KCNMA1: variants seen among roughly 807,000 people sequenced by gnomAD.
KCNMA1 encodes the protein potassium calcium-activated channel subfamily M alpha 1.
KCNMA1 carries 29 observed loss-of-function variants against 140.0 expected under a neutral mutation model. The observed-to-expected ratio is 0.21, with a 90% CI of 0.15 to 0.28. The LOEUF is 0.28. Ranked by LOEUF, KCNMA1 falls within the 10% of genes least tolerant of loss-of-function variation. The pLI is 1.00. For synonymous variants in KCNMA1, 612 were observed against 611.9 expected (o/e 1.00, Z 0.00); for missense variants, 880 against 1,602.2 (o/e 0.55, Z 7.70).
intron 14 of KCNMA1, among the ~76,000 whole-genome samples, chr10:77,056,615 A>G (rs1033276214): frequency 2.0e-5 from 3 of 152,168 alleles, no homozygotes; most frequent in Non-Finnish European, 4.4e-5. Context: ...CCTAGATGAC[A>G]CAGATGTTGG....
intron 1 of KCNMA1, among the ~76,000 whole-genome samples, chr10:77,495,339 C>T (rs1428177070): frequency 1.3e-5 from 2 of 152,198 alleles, no homozygotes; most frequent in East Asian, 1.9e-4. Context: ...GCTGCCCTGA[C>T]TTGGCCTGTC....
chr10:76,897,025 C>CACAG lies in KCNMA1; in HGVS notation c.3148-5307_3148-5306insCTGT, dbSNP rs569711196. The stretch of plus-strand genomic sequence containing the variant: ...GAGGTGAAAATTACACACACACACA[C>CACAG]ACACACACACACACACACACACAAT... On this transcript the variant is annotated intron_variant, in intron 25 of 27. Transcript: ENST00000286628. Among the ~76,000 whole-genome samples the CACAG allele has an allele frequency of 5.3e-4, 80 of 151,530 alleles. No individual in the cohort carries two copies. The South Asian group carries it at 0.016, about 30-fold the overall frequency.
At chr10:77,508,661 G>T (rs986044400) in intron 1 of KCNMA1, among the ~76,000 whole-genome samples, 4 of 129,170 alleles carry the variant, frequency 3.1e-5, no homozygotes, top group African/African-American at 1.2e-4. Flanking sequence ...ATCTCACTAC[G>T]TTGCCTAGGC....
At chr10:77,204,223 G>C (rs182283859) in intron 3 of KCNMA1, among the ~76,000 whole-genome samples, 2 of 152,110 alleles carry the variant, frequency 1.3e-5, no homozygotes, top group African/African-American at 4.8e-5. Context: ...TGCTCTTCCC[G>C]TGTTTCAGGG....
At chr10:77,529,245 T>C (rs816826) in intron 1 of KCNMA1, among the ~76,000 whole-genome samples, 65,637 of 150,794 alleles carry the variant, frequency 0.44, 16,508 homozygotes, top group African/African-American at 0.68. Flanking sequence ...TTTTTCCCCC[T>C]GCACCACTCT....
At chr10:77,312,194 A>T (rs1167386532) in intron 2 of KCNMA1, among the ~76,000 whole-genome samples, 1 of 152,258 alleles carries the variant, frequency 6.6e-6, no homozygotes, top group African/African-American at 2.4e-5. Flanking sequence ...GAAACCATGC[A>T]CAGCAGCCAG....
At chr10:77,403,801 G>T in intron 2 of KCNMA1, 61 bp downstream of exon 2, 1 of 1,540,260 alleles carries the variant, frequency 6.5e-7, no homozygotes, top group Non-Finnish European at 8.8e-7. Flanking sequence ...CGTCTCATAA[G>T]CAAAGCCACC....
intron 25 of KCNMA1, among the ~76,000 whole-genome samples, chr10:76,909,169 A>T (rs1407771943): frequency 6.6e-6 from 1 of 152,060 alleles, no homozygotes; most frequent in African/African-American, 2.4e-5. Flanking sequence ...CCTGGCAGTC[A>T]TCTTTGACCC....
intron 2 of KCNMA1, among the ~76,000 whole-genome samples, chr10:77,309,313 A>G (rs902620097): frequency 6.6e-6 from 1 of 152,244 alleles, no homozygotes; most frequent in African/African-American, 2.4e-5. Flanking sequence ...AGATGTCTCT[A>G]TATACCAGGT....
At chr10:77,062,637 G>C (rs2095798262) in intron 14 of KCNMA1, among the ~76,000 whole-genome samples, 1 of 152,156 alleles carries the variant, frequency 6.6e-6, no homozygotes, top group Admixed American at 6.5e-5. Flanking sequence ...ACTTGCCTGG[G>C]TCTTTTCCAG....
chr10:77,083,501 T>TTAA (rs767511483), intron 12 of KCNMA1, among the ~76,000 whole-genome samples: 26 of 91,392 alleles, frequency 2.8e-4, no homozygotes, highest in East Asian at 2.6e-3. Context: ...AGATGTTCTG[T>TTAA]AAAAAAAAAA....
intron 1 of KCNMA1, among the ~76,000 whole-genome samples, chr10:77,509,607 G>T (rs1373042758): frequency 2.6e-5 from 4 of 152,042 alleles, no homozygotes; most frequent in Non-Finnish European, 5.9e-5. Context: ...TTACATTCCC[G>T]CCAGCAATGG....
intron 2 of KCNMA1, among the ~76,000 whole-genome samples, chr10:77,253,631 A>G (rs916700905): frequency 2.6e-5 from 4 of 152,202 alleles, no homozygotes; most frequent in Non-Finnish European, 5.9e-5. Flanking sequence ...CTGATAGGGT[A>G]AGAGAGGGAA....
chr10:76,963,601 G>C (rs977242275), intron 20 of KCNMA1, among the ~76,000 whole-genome samples: 1 of 152,108 alleles, frequency 6.6e-6, no homozygotes, highest in Admixed American at 6.5e-5. Context: ...CACATTCTGG[G>C]TGCCTACTCT....
At chr10:77,362,126 C>T (rs771947354) in intron 2 of KCNMA1, among the ~76,000 whole-genome samples, 6 of 152,122 alleles carry the variant, frequency 3.9e-5, no homozygotes, top group South Asian at 2.1e-4. Flanking sequence ...TTGTCTCACG[C>T]GAGGCTCCCA....
intron 1 of KCNMA1, among the ~76,000 whole-genome samples, chr10:77,405,824 C>T (rs569279960): frequency 1.1e-4 from 16 of 152,010 alleles, no homozygotes; most frequent in Non-Finnish European, 2.4e-4. Context: ...ACAAAGGGGG[C>T]GGGGCAGAGG....
At chr10:77,069,835 C>T (rs778732540) in intron 14 of KCNMA1, among the ~76,000 whole-genome samples, 10 of 152,022 alleles carry the variant, frequency 6.6e-5, no homozygotes, top group East Asian at 3.9e-4. Context: ...TTTTTGGAGA[C>T]GGGGTCTTCT....
chr10:77,516,842 G>A (rs546145276), intron 1 of KCNMA1, among the ~76,000 whole-genome samples: 12 of 152,334 alleles, frequency 7.9e-5, no homozygotes, highest in African/African-American at 2.9e-4. Flanking sequence ...GCCGGTGTAC[G>A]GGAGACTGAA....
intron 2 of KCNMA1, among the ~76,000 whole-genome samples, chr10:77,270,516 C>A (rs986055794): frequency 3.4e-5 from 5 of 149,088 alleles, no homozygotes; most frequent in African/African-American, 1.3e-4. Context: ...TTTCTTTTCT[C>A]TCTCTCTCTC....
Sources: allele counts gnomAD v4.1 joint callset (sites outside exome capture counted in the v4.1 genomes callset), GRCh38; gene constraint gnomAD v4.1.1; transcripts MANE v1.5; gene names NCBI Gene and HGNC (gene_info 2026-07-23, HGNC 2026-07-21).